The following TMEM108 variants were observed in gnomAD, a reference collection of about 807,000 sequenced individuals.
TMEM108 encodes transmembrane protein 108.
A neutral mutation model predicts 35.1 loss-of-function variants in TMEM108; 12 were observed. The ratio of observed to expected loss-of-function variants is 0.34; its 90% confidence interval spans 0.22 to 0.55. The LOEUF (loss-of-function observed/expected upper bound fraction) is 0.55. Among genes scored for constraint, TMEM108 ranks in the 20% least tolerant of loss-of-function variants. The probability of loss-of-function intolerance (pLI) is 0.89; values close to 1 mark genes in which losing one functional copy is unlikely to be tolerated. For synonymous variants in TMEM108, 287 were observed against 308.6 expected, an observed-to-expected ratio of 0.93 and a Z score of 0.73; for missense variants, 680 against 753.3, an observed-to-expected ratio of 0.90 and a Z score of 1.14.
intron 4 of TMEM108, among the ~76,000 whole-genome samples, chr3:133,381,388 G>A (rs1224591754): frequency 1.3e-5 from 2 of 152,164 alleles, no homozygotes; most frequent in Non-Finnish European, 2.9e-5. Flanking sequence ...CCAGGAGCTG[G>A]GGGAGGACCT....
intron 3 of TMEM108, among the ~76,000 whole-genome samples, chr3:133,374,930 C>T (rs977966019): frequency 5.9e-5 from 9 of 152,088 alleles, no homozygotes; most frequent in Non-Finnish European, 8.8e-5. Flanking sequence ...TGAAAGTAGT[C>T]GAGAGCATAG....
chr3:133,130,315 G>C lies in TMEM108; in HGVS notation c.-47+84295G>C, dbSNP rs191271753. On this transcript the variant is annotated intron_variant, in intron 2 of 5. Coordinates refer to ENST00000321871, the MANE Select transcript of TMEM108 (RefSeq NM_023943.4). The stretch of plus-strand genomic sequence containing the variant: ...CAACAACCATGTGTATTTGACTCAT[G>C]AATCTGCAATCTGGCCAGGGCTCAG... Among the ~76,000 whole-genome samples, 130 of 152,278 alleles carry C rather than the reference G, an allele frequency of 8.5e-4. 1 individual carries two copies. Among genetic ancestry groups the C allele is most frequent in the African/African-American group, 3.1e-3 (128 of 41,556 alleles).
chr3:133,097,252 T>C (rs1479845352), intron 2 of TMEM108, among the ~76,000 whole-genome samples: 2 of 152,230 alleles, frequency 1.3e-5, no homozygotes, highest in African/African-American at 2.4e-5. Flanking sequence ...TAATGTTCTT[T>C]GGAGGTTAAT....
intron 2 of TMEM108, among the ~76,000 whole-genome samples, chr3:133,181,724 T>G (rs1479651021): frequency 6.6e-6 from 1 of 152,210 alleles, no homozygotes; most frequent in Non-Finnish European, 1.5e-5. Context: ...GCACAAATTT[T>G]AGTTAAACCG....
chr3:133,182,997 T>G (rs77250384), intron 2 of TMEM108, among the ~76,000 whole-genome samples: 2,609 of 152,320 alleles, frequency 0.017, 97 homozygotes, highest in African/African-American at 0.059. Flanking sequence ...CCAGAAGTGT[T>G]TCACATTTTG....
In TMEM108 at chr3:133,181,025, A is replaced by AAAAAAAAAAC. The variant is rs1559859766; in HGVS notation, c.-46-48232_-46-48231insCAAAAAAAAA. On this transcript the variant is annotated intron_variant, in intron 2 of 5. Coordinates refer to ENST00000321871, the MANE Select transcript of TMEM108 (RefSeq NM_023943.4). ...AGTTGTGTTAAAAAAAAAAAAAAAA[A>AAAAAAAAAAC]AAAAAAAAAAAAACAGCACTCCCAA... 4.1e-5 allele frequency among the ~76,000 whole-genome samples: 6 copies of AAAAAAAAAAC among 145,306 alleles called. 1 individual carries two copies. The highest frequency in any genetic ancestry group is 4.5e-5 in the Non-Finnish European group (3 of 67,382).
At chr3:133,319,689 G>C (rs1407771956) in intron 3 of TMEM108, among the ~76,000 whole-genome samples, 2 of 152,196 alleles carry the variant, frequency 1.3e-5, no homozygotes, top group Non-Finnish European at 2.9e-5. Context: ...CCTGAAGATG[G>C]ATTGCATCAC....
chr3:133,301,135 C>T (rs1947219882), intron 3 of TMEM108, among the ~76,000 whole-genome samples: 1 of 152,066 alleles, frequency 6.6e-6, no homozygotes, highest in African/African-American at 2.4e-5. Flanking sequence ...TGGAAGATCT[C>T]TTATTCCCTG....
chr3:133,220,238 A>G, intron 2 of TMEM108, among the ~76,000 whole-genome samples: 1 of 151,894 alleles, frequency 6.6e-6, no homozygotes, highest in East Asian at 1.9e-4. Context: ...AGTCTCTTGT[A>G]GGCAGTATAT....
intron 3 of TMEM108, among the ~76,000 whole-genome samples, chr3:133,312,568 T>C (rs2071145808): frequency 6.6e-6 from 1 of 152,254 alleles, no homozygotes. Flanking sequence ...GTCTGCTGGT[T>C]GCTAAGACCA....
intron 2 of TMEM108, among the ~76,000 whole-genome samples, chr3:133,154,679 G>A (rs1171037220): frequency 6.6e-6 from 1 of 151,974 alleles, no homozygotes; most frequent in East Asian, 1.9e-4. Context: ...CATGGACACA[G>A]GAAGGGGAAC....
At chr3:133,368,196 G>A (rs2107807956) in intron 3 of TMEM108, among the ~76,000 whole-genome samples, 1 of 93,120 alleles carries the variant, frequency 1.1e-5, no homozygotes, top group East Asian at 3.3e-4. Context: ...AGCCACCACT[G>A]CAGGCCTGTC....
At chr3:133,316,907 G>A (rs1442835721) in intron 3 of TMEM108, among the ~76,000 whole-genome samples, 1 of 152,200 alleles carries the variant, frequency 6.6e-6, no homozygotes, top group South Asian at 2.1e-4. Flanking sequence ...TGAATACCAA[G>A]CCAGAAGATA....
At chr3:133,047,442 T>G (rs950811525) in intron 2 of TMEM108, among the ~76,000 whole-genome samples, 1 of 152,212 alleles carries the variant, frequency 6.6e-6, no homozygotes, top group Non-Finnish European at 1.5e-5. Context: ...CTTTAATTAT[T>G]GATTTGGGGT....
At chr3:133,058,854 G>A (rs1221700437) in intron 2 of TMEM108, among the ~76,000 whole-genome samples, 1 of 152,254 alleles carries the variant, frequency 6.6e-6, no homozygotes, top group Non-Finnish European at 1.5e-5. Flanking sequence ...ACTGTGAGAG[G>A]CACATAGCAG....
chr3:133,097,178 C>T (rs987530967), intron 2 of TMEM108, among the ~76,000 whole-genome samples: 15 of 152,206 alleles, frequency 9.9e-5, no homozygotes, highest in African/African-American at 3.1e-4. Flanking sequence ...GTTAATATCT[C>T]TGCATCTGTG....
intron 2 of TMEM108, among the ~76,000 whole-genome samples, chr3:133,113,207 TATCCG>T (rs200922024): frequency 0.019 from 2,825 of 152,246 alleles, 95 homozygotes; most frequent in African/African-American, 0.064. Flanking sequence ...GTGACTTAGG[TATCCG>T]ATAGGTGTTA....
intron 3 of TMEM108, among the ~76,000 whole-genome samples, chr3:133,376,625 T>G (rs1033518256): frequency 6.6e-6 from 1 of 152,130 alleles, no homozygotes; most frequent in Non-Finnish European, 1.5e-5. Flanking sequence ...GGGTGAGTGT[T>G]CTTTTCAGGC....
At chr3:133,152,376 G>A (rs1944815058) in intron 2 of TMEM108, among the ~76,000 whole-genome samples, 1 of 152,130 alleles carries the variant, frequency 6.6e-6, no homozygotes, top group South Asian at 2.1e-4. Flanking sequence ...CATCTATTTT[G>A]TTCAAGAAGT....
Sources: allele counts gnomAD v4.1 joint callset (sites outside exome capture counted in the v4.1 genomes callset), GRCh38; gene constraint gnomAD v4.1.1; transcripts MANE v1.5; gene names NCBI Gene and HGNC (gene_info 2026-07-23, HGNC 2026-07-21).